Variants in BPTF observed in about 807,000 individuals in gnomAD.
BPTF encodes nucleosome-remodeling factor subunit BPTF.
In BPTF, 18 loss-of-function variants were observed where a neutral mutation model predicts 292.5. The observed-to-expected ratio is 0.06, with a 90% CI of 0.04 to 0.09. The LOEUF (loss-of-function observed/expected upper bound fraction) is 0.09. BPTF is among the 10% of genes least tolerant of loss of function. The pLI, the probability that BPTF is intolerant of heterozygous loss-of-function variation, is 1.00. For synonymous variants in BPTF, 1,225 were observed against 1,251.9 expected, an observed-to-expected ratio of 0.98 and a Z score of 0.45; for missense variants, 2,726 against 3,498.7, an observed-to-expected ratio of 0.78 and a Z score of 5.57.
chr17:67,841,370 T>C (rs897283778), intron 1 of BPTF, among the ~76,000 whole-genome samples: 5 of 151,980 alleles, frequency 3.3e-5, no homozygotes, highest in African/African-American at 9.7e-5. Context: ...GATTGCGCCA[T>C]TGCACTCCAG....
At chr17:67,875,214 A>G (rs2059982343) in intron 4 of BPTF, among the ~76,000 whole-genome samples, 194 bp downstream of exon 4, 2 of 152,290 alleles carry the variant, frequency 1.3e-5, no homozygotes, top group South Asian at 2.1e-4. Context: ...TGAATTTGCT[A>G]TAATGTTATA....
intron 7 of BPTF, among the ~76,000 whole-genome samples, chr17:67,897,740 A>T (rs2146450756): frequency 6.6e-6 from 1 of 152,326 alleles, no homozygotes. Flanking sequence ...TGATTTCATA[A>T]GGTATTTCTT....
chr17:67,846,704 G>A (rs1371384725), intron 1 of BPTF, among the ~76,000 whole-genome samples: 1 of 152,088 alleles, frequency 6.6e-6, no homozygotes, highest in African/African-American at 2.4e-5. Context: ...GGACTTGTGT[G>A]GGTTTGTTTG....
chr17:67,826,032 G>A lies in BPTF; in HGVS notation c.308G>A (p.Gly103Glu). The A allele has an allele frequency of 4.2e-6, 5 of 1,198,754 alleles. No homozygotes were observed. The highest frequency in any genetic ancestry group is 4.2e-6 in the Non-Finnish European group (4 of 950,358). The allele number at this position is 1,198,754 out of a possible 1,614,324, so 74.3% of individuals were successfully genotyped here. The change falls in exon 1 of 28, where the codon GGG becomes GAG. Residue 103 changes from glycine (G) to glutamate (E), a missense_variant. This residue lies in a region of BPTF where 103 missense variants were observed against 72.1 expected (regional missense o/e 1.43). Transcript: ENST00000306378. ...CGAGGAGGCGGGGGCGGCAGGACGG[G>A]GGGCGGGGGCGGCGGCGGCCACCTG... ...GGRGGGGGRT[G>E]GGGGGGHLAR...
chr17:67,885,496 G>A (rs1230593802), intron 4 of BPTF, among the ~76,000 whole-genome samples: 1 of 152,078 alleles, frequency 6.6e-6, no homozygotes, highest in East Asian at 1.9e-4. Flanking sequence ...AGGCTGAGGC[G>A]GGAGAATCTC....
intron 1 of BPTF, among the ~76,000 whole-genome samples, chr17:67,844,103 GGAGT>G (rs1395600241): frequency 6.1e-5 from 7 of 115,656 alleles, no homozygotes; most frequent in Non-Finnish European, 8.6e-5. Flanking sequence ...TTTTTAAGAT[GGAGT>G]CTCACTCTGT....
At chr17:67,853,111 A>G (rs1462782651) in intron 1 of BPTF, among the ~76,000 whole-genome samples, 1 of 152,230 alleles carries the variant, frequency 6.6e-6, no homozygotes, top group Non-Finnish European at 1.5e-5. Flanking sequence ...ACTCCAGCCT[A>G]GGCGACGGCT....
intron 23 of BPTF, chr17:67,951,147 T>C (rs1184767861): frequency 1.3e-5 from 2 of 152,142 alleles, no homozygotes; most frequent in African/African-American, 2.4e-5. Context: ...TACATAGTCA[T>C]TAATGATTAC....
rs185286027 is a variant in BPTF at position 67,893,690 on chromosome 17, T to C, written c.2376T>C (p.Pro792=). 492 of 1,609,092 alleles carry C rather than the reference T, an allele frequency of 3.1e-4. 5 individuals carry two copies. The East Asian group carries it at 7.6e-3, about 25-fold the overall frequency. The change falls in exon 6 of 28, where the codon CCT becomes CCC. Residue 792 remains proline, a synonymous_variant. Coordinates refer to ENST00000306378, the MANE Select transcript of BPTF (RefSeq NM_182641.4). ...LTITQLENNI[P]SSFLHPNWAS... ...TCACCCAATTAGAAAACAACATCCC[T>C]TCATCCTTTCTTCATCCCAACTGGG...
intron 4 of BPTF, among the ~76,000 whole-genome samples, chr17:67,881,869 T>G (rs1418510881): frequency 2.9e-5 from 4 of 139,566 alleles, no homozygotes; most frequent in Admixed American, 1.4e-4. Flanking sequence ...TTTTTTTTTT[T>G]TTTTTTTTTT....
At chr17:67,842,165 A>G (rs2057604306) in intron 1 of BPTF, among the ~76,000 whole-genome samples, 1 of 152,110 alleles carries the variant, frequency 6.6e-6, no homozygotes, top group African/African-American at 2.4e-5. Context: ...ACATATAGAT[A>G]TGTATCTACA....
At chr17:67,972,340 A>T (rs1453310590) in intron 26 of BPTF, among the ~76,000 whole-genome samples, 2 of 152,076 alleles carry the variant, frequency 1.3e-5, no homozygotes, top group Non-Finnish European at 1.5e-5. Context: ...GGTTCAACCG[A>T]TTCTTCCACC....
chr17:67,834,402 G>A (rs2056965445), intron 1 of BPTF, among the ~76,000 whole-genome samples: 1 of 152,158 alleles, frequency 6.6e-6, no homozygotes, highest in African/African-American at 2.4e-5. Context: ...CTCTTGTTGA[G>A]TGGAGTATTG....
At chr17:67,963,731 A>T (rs1555685257) in intron 24 of BPTF, among the ~76,000 whole-genome samples, 1 of 152,156 alleles carries the variant, frequency 6.6e-6, no homozygotes, top group East Asian at 1.9e-4. Context: ...ATGTGGTTTA[A>T]TGGTAGATTT....
intron 7 of BPTF, among the ~76,000 whole-genome samples, chr17:67,895,628 A>G (rs1256155965): frequency 2.0e-5 from 3 of 151,984 alleles, no homozygotes; most frequent in Middle Eastern, 3.4e-3. Flanking sequence ...ATGCCTGGCT[A>G]ATTTTTGTAT....
intron 4 of BPTF, among the ~76,000 whole-genome samples, chr17:67,879,120 CTGT>C (rs1379536541): frequency 6.8e-6 from 1 of 146,846 alleles, no homozygotes; most frequent in Admixed American, 6.8e-5. Flanking sequence ...TTTTGTGGGG[CTGT>C]TGTTAATTAT....
Position 67,948,239 on chromosome 17 carries a change from A to T in BPTF, c.7859A>T (p.Glu2620Val), listed in dbSNP as rs1555676588. The T allele has an allele frequency of 6.2e-7, 1 of 1,614,158 alleles. No individual in the cohort carries two copies. Among genetic ancestry groups the T allele is most frequent in the Admixed American group, 1.7e-5 (1 of 60,022 alleles). Reference sequence around the variant, plus strand: ...TCAGCTCTGCTCTTCAAGCACAAAGAGCAGCTCAGAGCCGAGATCCTGAAG... The same window carrying T: ...TCAGCTCTGCTCTTCAAGCACAAAGTGCAGCTCAGAGCCGAGATCCTGAAG... The part of the protein sequence containing the change: ...KLSALLFKHK[E>V]QLRAEILKKR... Residue 2620 changes from glutamate to valine, a missense_variant, in exon 23 of 28, where the codon GAG (glutamate) becomes GTG (valine). Transcript: ENST00000306378.
chr17:67,853,610 A>AT lies in BPTF; in HGVS notation c.614-328dup, dbSNP rs573107500. Among the ~76,000 whole-genome samples the AT allele has an allele frequency of 2.6e-4, 40 of 151,778 alleles. 1 individual carries two copies. The South Asian group carries it at 8.1e-3, about 31-fold the overall frequency. ...AATGCAGTTATTTATTATTATTATT[A>AT]TTATTATTTCCTTAGAGATCCTTGT... On this transcript the variant is annotated intron_variant, in intron 1 of 27. Coordinates refer to ENST00000306378, the MANE Select transcript of BPTF (RefSeq NM_182641.4).
At chr17:67,860,684 G>C (rs1482979815) in intron 2 of BPTF, among the ~76,000 whole-genome samples, 10 of 152,096 alleles carry the variant, frequency 6.6e-5, no homozygotes, top group Non-Finnish European at 1.5e-4. Context: ...ATGTTTTTCT[G>C]TCACTCTCCA....
Sources: gnomAD v4.1 joint callset for allele counts (sites outside exome capture counted in the v4.1 genomes callset) on GRCh38, gnomAD v4.1.1 for gene constraint, gnomAD v4.1.1 regional missense constraint, MANE v1.5 for transcripts, NCBI Gene and HGNC (gene_info 2026-07-23, HGNC 2026-07-21) for gene names.